The following SLC6A16 variants were observed in gnomAD, a reference collection of about 807,000 sequenced individuals.
The protein encoded by SLC6A16 is orphan sodium- and chloride-dependent neurotransmitter transporter NTT5.
SLC6A16 carries 54 observed loss-of-function variants against 65.4 expected under a neutral mutation model. That is an observed-to-expected ratio of 0.83 (90% CI 0.66 to 1.04). The LOEUF is 1.04. SLC6A16 is among the 50% of genes least tolerant of loss of function. SLC6A16 has a pLI of 0.00. For synonymous variants in SLC6A16, 330 were observed against 346.5 expected, an observed-to-expected ratio of 0.95 and a Z score of 0.53; for missense variants, 816 against 914.0, an observed-to-expected ratio of 0.89 and a Z score of 1.38.
the SLC6A16 span, chr19:49,336,941 A>G: frequency 6.2e-7 from 1 of 1,614,188 alleles, no homozygotes; most frequent in South Asian, 1.1e-5. Context: ...GATCTGGTCC[A>G]AAGTCCTGGC....
At position 49,292,411 on chromosome 19, in the gene SLC6A16, T is replaced by C. The variant is rs1568523332; in HGVS notation, c.1778+812A>G. Among the ~76,000 whole-genome samples, 1 of 152,154 alleles carries C rather than the reference T, an allele frequency of 6.6e-6. No homozygotes were observed. Among genetic ancestry groups the C allele is most frequent in the Non-Finnish European group, 1.5e-5 (1 of 68,026 alleles). ...AATATTACATAGCTTCCAACTCTTATCCTGGCTTCACTCTTGACTCTTCCT... is the reference window on the plus strand; with the variant it reads ...AATATTACATAGCTTCCAACTCTTACCCTGGCTTCACTCTTGACTCTTCCT... On this transcript the variant is annotated intron_variant, in intron 10 of 11. Coordinates refer to ENST00000335875, the MANE Select transcript of SLC6A16 (RefSeq NM_014037.3). This position sits in a 1 kb window ranked among gnomAD's most constrained non-coding sequence, Gnocchi z 4.3.
chr19:49,307,728 A>AAAAAAAAG (rs1555776025), intron 7 of SLC6A16, among the ~76,000 whole-genome samples: 2 of 143,772 alleles, frequency 1.4e-5, no homozygotes, highest in Admixed American at 1.4e-4. Flanking sequence ...AGGAAGCAAA[A>AAAAAAAAG]AAAAAGAAAA....
chr19:49,328,752 G>C (rs1344719335), upstream of SLC6A16, among the ~76,000 whole-genome samples: 6 of 152,292 alleles, frequency 3.9e-5, no homozygotes, highest in East Asian at 9.6e-4. Context: ...AGTAATGGTG[G>C]GGAACTTCAG....
At chr19:49,338,670 C>T in the SLC6A16 span, 3 of 1,520,652 alleles carry the variant, frequency 2.0e-6, no homozygotes, top group Non-Finnish European at 2.7e-6. This position sits in a 1 kb window ranked among gnomAD's most constrained non-coding sequence, Gnocchi z 5.0. Context: ...TCTCCAGTCC[C>T]GGTCCCTCTG....
chr19:49,330,075 G>A (rs1970834209), upstream of SLC6A16, among the ~76,000 whole-genome samples: 1 of 151,416 alleles, frequency 6.6e-6, no homozygotes, highest in Non-Finnish European at 1.5e-5. Context: ...TCATGATCGT[G>A]CCAGTGCCCT....
chr19:49,324,106 G>T (rs924980386), intron 1 of SLC6A16, among the ~76,000 whole-genome samples: 1 of 152,078 alleles, frequency 6.6e-6, no homozygotes, highest in Non-Finnish European at 1.5e-5. Context: ...GAGGCGGGTG[G>T]ATCGGCTGAG....
In SLC6A16 at chr19:49,309,386, G is replaced by A. The variant is rs866859080; in HGVS notation, c.902C>T (p.Pro301Leu). ...GKVIYVLVLL[P>L]CFIIVGFFIR... is the part of the protein sequence containing the mutation. ...GAAGAAACCGACAATGATGAAACAGGGGAGCAGTACCAAGACATAGATTAC... is the reference window on the plus strand; with the variant it reads ...GAAGAAACCGACAATGATGAAACAGAGGAGCAGTACCAAGACATAGATTAC... Residue 301 changes from proline (P) to leucine (L), a missense_variant, in exon 6 of 12, where the codon CCC becomes CTC. By Grantham distance (98) the Pro-to-Leu change is moderately conservative. Coordinates refer to ENST00000335875, the MANE Select transcript of SLC6A16 (RefSeq NM_014037.3). 1 of 1,614,020 alleles carries A rather than the reference G, an allele frequency of 6.2e-7. No homozygotes were observed. The highest frequency in any genetic ancestry group is 1.1e-5 in the South Asian group (1 of 91,078).
Position 49,289,987 on chromosome 19 carries a change from C to A in SLC6A16, c.*136G>T. 1.2e-6 allele frequency: 1 copy of A among 864,426 alleles called. No homozygotes were observed. The highest frequency in any genetic ancestry group is 1.8e-6 in the Non-Finnish European group (1 of 566,900). The allele number at this position is 864,426 out of a possible 1,614,324, so 53.5% of individuals were successfully genotyped here. On this transcript the variant is annotated 3_prime_UTR_variant, in exon 12 of 12. Transcript: ENST00000335875. ...ATTGCAAGTCCAGGCCCCATGAACA[C>A]CCCCAAAGAATGCCCCTCCTCTTGG...
At chr19:49,335,635 C>G in the SLC6A16 span, 4 of 1,610,696 alleles carry the variant, frequency 2.5e-6, no homozygotes, top group Non-Finnish European at 1.7e-6. The surrounding 1 kb of genome is among the most constrained non-coding windows in gnomAD (Gnocchi z 4.6). Context: ...GCTACCCAGC[C>G]GGGGCCCAGC....
chr19:49,337,465 T>TA, the SLC6A16 span, among the ~76,000 whole-genome samples: 2,659 of 149,556 alleles, frequency 0.018, 75 homozygotes, highest in African/African-American at 0.055. Context: ...CATCTATATT[T>TA]AAAAAAAAAA....
At chr19:49,331,240 G>A in the SLC6A16 span, among the ~76,000 whole-genome samples, 2 of 152,062 alleles carry the variant, frequency 1.3e-5, no homozygotes, top group African/African-American at 2.4e-5. Context: ...GAGTGCAGTG[G>A]TGCAATCACG....
At position 49,293,280 on chromosome 19, in the gene SLC6A16, A is replaced by G; in HGVS notation, c.1721T>C (p.Ile574Thr). 6.2e-7 allele frequency: 1 copy of G among 1,614,140 alleles called. No individual in the cohort carries two copies. The highest frequency in any genetic ancestry group is 8.5e-7 in the Non-Finnish European group (1 of 1,180,010). Residue 574 changes from isoleucine (I) to threonine (T), a missense_variant, in exon 10 of 12, where the codon ATC (isoleucine) becomes ACC (threonine). Ile to Thr is a moderately conservative substitution (Grantham distance 89). Coordinates refer to ENST00000335875, the MANE Select transcript of SLC6A16 (RefSeq NM_014037.3). ...LLSDYWIVFP[I>T]IVVVVFETMA... The stretch of plus-strand genomic sequence containing the variant: ...GGTTTCAAATACGACAACGACGATG[A>G]TGGGGAAGACTATCCAGTAGTCACT...
At chr19:49,339,757 A>C in the SLC6A16 span, 1 of 1,391,662 alleles carries the variant, frequency 7.2e-7, no homozygotes, top group Admixed American at 3.2e-5. This position sits in a 1 kb window ranked among gnomAD's most constrained non-coding sequence, Gnocchi z 4.5. Context: ...CCCCGGGCCC[A>C]GCCTGATCGC....
At chr19:49,333,745 C>T in the SLC6A16 span, among the ~76,000 whole-genome samples, 26 of 152,216 alleles carry the variant, frequency 1.7e-4, no homozygotes, top group African/African-American at 5.3e-4. Flanking sequence ...GAGACTGATG[C>T]GCTGTTGGGG....
Position 49,290,320 on chromosome 19 carries a change from G to A in SLC6A16, c.2014C>T (p.Leu672Phe), listed in dbSNP as rs547226353. ...TATACAAAGTATGCAGGGATGGGGAGGATGACAATGGCAAAAAGGGTGATC... is the reference window on the plus strand; with the variant it reads ...TATACAAAGTATGCAGGGATGGGGAAGATGACAATGGCAAAAAGGGTGATC... ...LMITLFAIVI[L>F]PIPAYFVYCR... Residue 672 changes from leucine to phenylalanine, a missense_variant, in exon 12 of 12, where the codon CTC becomes TTC. Transcript: ENST00000335875. 3.1e-6 allele frequency: 5 copies of A among 1,614,070 alleles called. No individual in the cohort carries two copies. The highest frequency in any genetic ancestry group is 4.5e-5 in the East Asian group (2 of 44,878).
chr19:49,303,068 T>G (rs1441275797), intron 7 of SLC6A16, among the ~76,000 whole-genome samples: 2 of 152,312 alleles, frequency 1.3e-5, no homozygotes, highest in East Asian at 3.9e-4. Context: ...TAAAAATAGC[T>G]GAATACTTCC....
chr19:49,290,010 T>G lies in SLC6A16; in HGVS notation c.*113A>C. On this transcript the variant is annotated 3_prime_UTR_variant, in exon 12 of 12. Transcript: ENST00000335875. ...CACCCCCAAAGAATGCCCCTCCTCT[T>G]GGAAATAAAAGTGGTTCTGGATCCA... The G allele has an allele frequency of 8.8e-7, 1 of 1,139,586 alleles. No individual in the cohort carries two copies. Among genetic ancestry groups the G allele is most frequent in the Non-Finnish European group, 1.2e-6 (1 of 804,228 alleles). 70.6% of individuals were successfully genotyped at this position (1,139,586 alleles called of 1,614,324 possible). A position where few individuals can be genotyped will look rare whatever the true frequency, so the allele number is the denominator to read the frequency against.
chr19:49,309,178 T>C (rs1328533962), intron 6 of SLC6A16, 61 bp from the exon 7 acceptor site: 14 of 1,603,292 alleles, frequency 8.7e-6, no homozygotes, highest in Admixed American at 3.4e-5. Flanking sequence ...ACAACTATAA[T>C]AGAAATGTTG....
rs777224392 is a variant in SLC6A16 at position 49,290,609 on chromosome 19, CT to C, written c.1936del (p.Ser646AlafsTer17). ...KPITYMSWDSSTSKEVLRPYP... is the reference protein window; with the variant it reads ...KPITYMSWDSXTSKEVLRPYP... ...TGGGTCCTGGGGGAGGCTCACGGTG[CT>C]TGAGTCCCAGGACATGTAGGTGATC... On this transcript the variant is annotated frameshift_variant, in exon 11 of 12. Coordinates refer to ENST00000335875, the MANE Select transcript of SLC6A16 (RefSeq NM_014037.3). LOFTEE classifies it low-confidence loss of function (END_TRUNC). The C allele has an allele frequency of 2.5e-4, 397 of 1,614,082 alleles. 1 individual carries two copies. Among genetic ancestry groups the C allele is most frequent in the Admixed American group, 1.6e-3 (99 of 60,010 alleles).
Sources: allele counts gnomAD v4.1 joint callset (sites outside exome capture counted in the v4.1 genomes callset), GRCh38; gene constraint gnomAD v4.1.1; non-coding constraint Gnocchi (gnomAD v3.1); transcripts MANE v1.5; gene names NCBI Gene and HGNC (gene_info 2026-07-23, HGNC 2026-07-21).